Variants in MACROD2 observed in about 807,000 individuals in gnomAD.
The protein encoded by MACROD2 is mono-ADP ribosylhydrolase 2.
A neutral mutation model predicts 70.4 loss-of-function variants in MACROD2; 36 were observed. That is an observed-to-expected ratio of 0.51 (90% confidence interval 0.39 to 0.68). The LOEUF is 0.68. Among genes scored for constraint, MACROD2 ranks in the 30% least tolerant of loss-of-function variants. The probability of loss-of-function intolerance (pLI) is 0.00; values close to 1 mark genes in which losing one functional copy is unlikely to be tolerated. For synonymous variants in MACROD2, 172 were observed against 178.8 expected (o/e 0.96, Z 0.30); for missense variants, 496 against 538.4 (o/e 0.92, Z 0.78).
intron 3 of MACROD2, among the ~76,000 whole-genome samples, chr20:14,238,872 C>T (rs533701091): frequency 2.6e-5 from 4 of 151,856 alleles, no homozygotes; most frequent in Non-Finnish European, 4.4e-5. Context: ...AATAAAAATA[C>T]AAAAATTAGC....
intron 5 of MACROD2, among the ~76,000 whole-genome samples, chr20:14,822,692 G>A (rs778435807): frequency 2.0e-5 from 3 of 152,030 alleles, no homozygotes; most frequent in Admixed American, 1.3e-4. Flanking sequence ...TATAAAACAC[G>A]CTCTTTTCAG....
chr20:15,197,024 T>G (rs1441010344), intron 5 of MACROD2: 2 of 985,256 alleles, frequency 2.0e-6, no homozygotes, highest in African/African-American at 3.5e-5. Flanking sequence ...ATAGAGCCAG[T>G]TTATGCAGGT....
At chr20:15,676,802 C>A (rs2050063452) in intron 8 of MACROD2, among the ~76,000 whole-genome samples, 1 of 152,164 alleles carries the variant, frequency 6.6e-6, no homozygotes, top group Admixed American at 6.5e-5. Context: ...TGCCGCAGAT[C>A]TTACTTATTC....
chr20:15,087,499 G>A (rs558059110), intron 5 of MACROD2, among the ~76,000 whole-genome samples: 88 of 152,092 alleles, frequency 5.8e-4, no homozygotes, highest in Admixed American at 4.6e-3. Flanking sequence ...AAATGGAGCT[G>A]ACAGAATAAA....
chr20:15,863,420 A>T (rs2064451966), intron 9 of MACROD2, among the ~76,000 whole-genome samples: 1 of 152,120 alleles, frequency 6.6e-6, no homozygotes, highest in Non-Finnish European at 1.5e-5. Flanking sequence ...ATTTACATCG[A>T]TTGAATGTGC....
chr20:15,383,360 A>G (rs891979832), intron 6 of MACROD2, among the ~76,000 whole-genome samples: 1 of 152,174 alleles, frequency 6.6e-6, no homozygotes, highest in Non-Finnish European at 1.5e-5. Context: ...TTCAATCCTT[A>G]CAGCACTGAG....
intron 5 of MACROD2, among the ~76,000 whole-genome samples, chr20:15,176,096 C>T (rs1207313610): frequency 6.6e-6 from 1 of 152,202 alleles, no homozygotes; most frequent in Non-Finnish European, 1.5e-5. Context: ...TATGTGTATT[C>T]TCAGAGGTGC....
chr20:15,579,960 C>T (rs564211860), intron 8 of MACROD2, among the ~76,000 whole-genome samples: 3 of 152,294 alleles, frequency 2.0e-5, no homozygotes, highest in South Asian at 2.1e-4. Flanking sequence ...ATTATGAGTA[C>T]TTGCATCACT....
chr20:14,510,805 T>A (rs2123146707), intron 4 of MACROD2, among the ~76,000 whole-genome samples: 1 of 152,270 alleles, frequency 6.6e-6, no homozygotes, highest in Non-Finnish European at 1.5e-5. Context: ...GAATTTATTT[T>A]TAAAAATTCT....
chr20:14,713,647 A>G (rs543492788), intron 5 of MACROD2, among the ~76,000 whole-genome samples: 52 of 152,312 alleles, frequency 3.4e-4, no homozygotes, highest in Admixed American at 3.2e-3. Flanking sequence ...CTAACTATAT[A>G]TGAAGCATTG....
At chr20:14,564,304 G>T (rs1979632768) in intron 4 of MACROD2, among the ~76,000 whole-genome samples, 1 of 151,800 alleles carries the variant, frequency 6.6e-6, no homozygotes, top group African/African-American at 2.4e-5. Flanking sequence ...AAGAGTTTAT[G>T]ACTAAGTCCT....
At chr20:14,011,021 TCA>T (rs1181151398) in intron 2 of MACROD2, among the ~76,000 whole-genome samples, 4 of 152,188 alleles carry the variant, frequency 2.6e-5, no homozygotes, top group African/African-American at 4.8e-5. Context: ...TTCATAGCAT[TCA>T]CAGTCTTTTC....
In MACROD2 at chr20:14,002,342, A is replaced by G. The variant is rs760364583; in HGVS notation, c.101A>G (p.Tyr34Cys). ...EERRKEYLRDYIPLNSILSWK... is the reference protein window; with the variant it reads ...EERRKEYLRDCIPLNSILSWK... ...AGACGCAAAGAATACCTAAGAGACTATATTCCCCTGAACAGCATTCTATCA... is the reference window on the plus strand; with the variant it reads ...AGACGCAAAGAATACCTAAGAGACTGTATTCCCCTGAACAGCATTCTATCA... The change falls in exon 2 of 18, where the codon TAT (tyrosine) becomes TGT (cysteine). Residue 34 changes from tyrosine to cysteine, a missense_variant. Coordinates refer to ENST00000684519, the MANE Select transcript of MACROD2 (RefSeq NM_001351661.2). 7.4e-6 allele frequency: 12 copies of G among 1,610,946 alleles called. No homozygotes were observed. The highest frequency in any genetic ancestry group is 2.2e-5 in the East Asian group (1 of 44,668).
intron 5 of MACROD2, among the ~76,000 whole-genome samples, chr20:15,162,561 A>G (rs889634544): frequency 6.6e-6 from 1 of 152,102 alleles, no homozygotes; most frequent in Non-Finnish European, 1.5e-5. Flanking sequence ...AACTATCGAC[A>G]TTGCTTCTGT....
intron 5 of MACROD2, among the ~76,000 whole-genome samples, chr20:14,863,185 G>A (rs1445252294): frequency 2.0e-5 from 3 of 152,052 alleles, no homozygotes; most frequent in East Asian, 1.9e-4. Context: ...GAAGAAAAAC[G>A]AGATCCCTGA....
At chr20:15,269,328 C>G (rs1018403259) in intron 6 of MACROD2, among the ~76,000 whole-genome samples, 1 of 152,198 alleles carries the variant, frequency 6.6e-6, no homozygotes, top group Non-Finnish European at 1.5e-5. Context: ...GCAAGGTTTT[C>G]CCTTAGTACT....
chr20:14,479,167 T>A (rs561061944), intron 3 of MACROD2, among the ~76,000 whole-genome samples: 16 of 152,112 alleles, frequency 1.1e-4, no homozygotes, highest in Non-Finnish European at 2.1e-4. Context: ...CTGTGGGAGA[T>A]GGAAAGCCCT....
rs1345389175 is a variant in MACROD2, at chr20:14,432,274, G to C, written c.272-61205G>C. On this transcript the variant is annotated intron_variant, in intron 3 of 17. Coordinates refer to ENST00000684519, the MANE Select transcript of MACROD2 (RefSeq NM_001351661.2). ...ATACTCTACTATTATTATCTGCAGA[G>C]CTGAATTCCTCACTTCCTTTATGGG... Among the ~76,000 whole-genome samples the C allele has an allele frequency of 4.6e-5, 7 of 152,170 alleles. No individual in the cohort carries two copies. The East Asian group carries it at 1.4e-3, about 29-fold the overall frequency.
chr20:14,789,354 T>C (rs1006601111), intron 5 of MACROD2, among the ~76,000 whole-genome samples: 1 of 151,744 alleles, frequency 6.6e-6, no homozygotes, highest in African/African-American at 2.4e-5. Flanking sequence ...ATAAGATCAT[T>C]TTGCAGCCTT....
Sources: gnomAD v4.1 joint callset for allele counts (sites outside exome capture counted in the v4.1 genomes callset) on GRCh38, gnomAD v4.1.1 for gene constraint, MANE v1.5 for transcripts, NCBI Gene and HGNC (gene_info 2026-07-23, HGNC 2026-07-21) for gene names.